Variants in NAV2 observed in about 807,000 individuals in gnomAD.
NAV2 encodes neuron navigator 2.
In NAV2, 54 loss-of-function variants were observed where a neutral mutation model predicts 223.2. That is an observed-to-expected ratio of 0.24 (90% confidence interval 0.19 to 0.30). The LOEUF is 0.30. Ranked by LOEUF, NAV2 falls within the 10% of genes least tolerant of loss-of-function variation. The probability of loss-of-function intolerance (pLI) is 1.00; values close to 1 mark genes in which losing one functional copy is unlikely to be tolerated. For synonymous variants in NAV2, 1,279 were observed against 1,239.3 expected (o/e 1.03, Z -0.67); for missense variants, 2,806 against 3,147.5 (o/e 0.89, Z 2.60).
intron 11 of NAV2, among the ~76,000 whole-genome samples, chr11:20,035,527 G>A (rs926037201): frequency 6.6e-6 from 1 of 152,154 alleles, no homozygotes; most frequent in Admixed American, 6.5e-5. Flanking sequence ...GTCTGCAGAA[G>A]TCATACAGCA....
At chr11:19,751,972 A>T (rs1271516111) in intron 1 of NAV2, among the ~76,000 whole-genome samples, 2 of 152,160 alleles carry the variant, frequency 1.3e-5, no homozygotes, top group African/African-American at 4.8e-5. Context: ...ATCTCGTAGG[A>T]TCTTCAAAGT....
At chr11:19,843,041 T>C (rs957576716) in intron 3 of NAV2, 118 bp downstream of exon 3, 40 of 787,216 alleles carry the variant, frequency 5.1e-5, no homozygotes, top group Non-Finnish European at 8.4e-5. Context: ...ATTATATTAA[T>C]AAACTCACAG....
At chr11:19,555,838 C>CACCCAG (rs1368913377) in intron 1 of NAV2, among the ~76,000 whole-genome samples, 1 of 152,032 alleles carries the variant, frequency 6.6e-6, no homozygotes, top group Admixed American at 6.5e-5. Context: ...TCCTCGAGCC[C>CACCCAG]ACCCAGCCCC....
intron 1 of NAV2, among the ~76,000 whole-genome samples, chr11:19,764,509 G>A (rs2055043953): frequency 6.6e-6 from 1 of 152,176 alleles, no homozygotes; most frequent in African/African-American, 2.4e-5. Flanking sequence ...CAGATGTGGT[G>A]TTAAGAAACT....
At chr11:20,092,839 CTGT>C (rs1342061131) in intron 28 of NAV2, among the ~76,000 whole-genome samples, 5 of 152,148 alleles carry the variant, frequency 3.3e-5, no homozygotes, top group African/African-American at 1.2e-4. Context: ...GATGCTGCTG[CTGT>C]TGTTGTTTTG....
At chr11:19,739,434 T>C (rs1233566734) in intron 1 of NAV2, among the ~76,000 whole-genome samples, 1 of 152,188 alleles carries the variant, frequency 6.6e-6, no homozygotes, top group African/African-American at 2.4e-5. Flanking sequence ...AGCAGAGATG[T>C]AAACTCAGGT....
At chr11:19,376,844 C>G (rs116845944) in intron 1 of NAV2, among the ~76,000 whole-genome samples, 1 of 152,138 alleles carries the variant, frequency 6.6e-6, no homozygotes, top group African/African-American at 2.4e-5. Context: ...GTGCTGGAGC[C>G]AAGTCTGGAT....
chr11:19,721,372 C>T (rs968250230), intron 1 of NAV2, among the ~76,000 whole-genome samples: 1 of 152,180 alleles, frequency 6.6e-6, no homozygotes, highest in Non-Finnish European at 1.5e-5. Flanking sequence ...ATTTCAAGTC[C>T]TCTGAGGCCA....
intron 1 of NAV2, among the ~76,000 whole-genome samples, chr11:19,383,683 C>T (rs1403018929): frequency 1.3e-5 from 2 of 152,132 alleles, no homozygotes; most frequent in Non-Finnish European, 2.9e-5. Flanking sequence ...CATGGGCCTC[C>T]TACGTGAAAT....
chr11:19,516,491 AT>A (rs1473704317), intron 1 of NAV2, among the ~76,000 whole-genome samples: 1 of 152,232 alleles, frequency 6.6e-6, no homozygotes, highest in Non-Finnish European at 1.5e-5. Context: ...GATTGTGCTA[AT>A]TTATGCACCT....
At chr11:19,428,754 G>T (rs955802018) in intron 1 of NAV2, among the ~76,000 whole-genome samples, 1 of 152,180 alleles carries the variant, frequency 6.6e-6, no homozygotes, top group Non-Finnish European at 1.5e-5. Context: ...GAGAATCAGG[G>T]TGGGAAGAGA....
chr11:19,745,679 T>C (rs544995650), intron 1 of NAV2, among the ~76,000 whole-genome samples: 1 of 152,306 alleles, frequency 6.6e-6, no homozygotes, highest in East Asian at 1.9e-4. Flanking sequence ...GATGAAACTT[T>C]TGCACCTCAG....
intron 1 of NAV2, among the ~76,000 whole-genome samples, chr11:19,557,505 A>C (rs746585903): frequency 6.6e-6 from 1 of 152,222 alleles, no homozygotes; most frequent in African/African-American, 2.4e-5. Flanking sequence ...CAATTCATGG[A>C]CAATCGATGG....
intron 1 of NAV2, among the ~76,000 whole-genome samples, chr11:19,458,178 G>A (rs1852025361): frequency 6.6e-6 from 1 of 152,220 alleles, no homozygotes; most frequent in Non-Finnish European, 1.5e-5. Flanking sequence ...GGAGTTCTTT[G>A]GGCCTGGTGC....
chr11:19,362,109 C>T (rs1156958862), intron 1 of NAV2, among the ~76,000 whole-genome samples: 1 of 152,172 alleles, frequency 6.6e-6, no homozygotes, highest in East Asian at 1.9e-4. Flanking sequence ...TATACACTGT[C>T]ACTTTAACTT....
intron 1 of NAV2, among the ~76,000 whole-genome samples, chr11:19,363,617 G>A (rs921043048): frequency 6.6e-6 from 1 of 152,092 alleles, no homozygotes; most frequent in African/African-American, 2.4e-5. Flanking sequence ...CTCTGACTGC[G>A]TGTCCTACAA....
At chr11:19,362,003 G>A (rs1024621237) in intron 1 of NAV2, among the ~76,000 whole-genome samples, 2 of 152,166 alleles carry the variant, frequency 1.3e-5, no homozygotes, top group Non-Finnish European at 1.5e-5. Context: ...GGATGGAGAG[G>A]AGGTGAGTGA....
At chr11:19,661,523 A>G (rs2048282276) in intron 1 of NAV2, among the ~76,000 whole-genome samples, 3 of 53,128 alleles carry the variant, frequency 5.6e-5, no homozygotes, top group South Asian at 1.7e-3. Context: ...GGTGTAAAGG[A>G]AAAAAAAATA....
At chr11:19,853,613 C>T (rs1370096268) in intron 3 of NAV2, among the ~76,000 whole-genome samples, 1 of 152,202 alleles carries the variant, frequency 6.6e-6, no homozygotes, top group Non-Finnish European at 1.5e-5. Context: ...AAAGTTTGGG[C>T]ATTCCTGCCT....
Sources: gnomAD v4.1 joint callset for allele counts (sites outside exome capture counted in the v4.1 genomes callset) on GRCh38, gnomAD v4.1.1 for gene constraint, MANE v1.5 for transcripts, NCBI Gene and HGNC (gene_info 2026-07-23, HGNC 2026-07-21) for gene names.